PLCH2: variants seen among roughly 807,000 people sequenced by gnomAD.
The protein encoded by PLCH2 is phospholipase C eta 2, also known as 1-phosphatidylinositol 4,5-bisphosphate phosphodiesterase eta-2.
Under a neutral mutation model 134.7 loss-of-function variants are expected in PLCH2, and 98 were observed. That is an observed-to-expected ratio of 0.73 (90% CI 0.62 to 0.86). The LOEUF (loss-of-function observed/expected upper bound fraction) is 0.86. PLCH2 is among the 40% of genes least tolerant of loss of function. PLCH2 has a pLI of 0.00. For missense variants in PLCH2, 1,994 were observed against 1,986.6 expected, an observed-to-expected ratio of 1.00 and a Z score of -0.07; for synonymous variants, 974 against 827.5, an observed-to-expected ratio of 1.18 and a Z score of -3.04.
At chr1:2,484,139 T>C (rs1642167101) in intron 4 of PLCH2, among the ~76,000 whole-genome samples, 1 of 151,806 alleles carries the variant, frequency 6.6e-6, no homozygotes, top group Admixed American at 6.6e-5. Context: ...CCCGTATGGG[T>C]GATGTTGGCT....
chr1:2,437,750 C>T (rs1639497297), intron 2 of PLCH2, among the ~76,000 whole-genome samples: 2 of 152,236 alleles, frequency 1.3e-5, no homozygotes, highest in Non-Finnish European at 2.9e-5. Flanking sequence ...GCATACCACA[C>T]ACATACGTGC....
In PLCH2 at chr1:2,486,999, T is replaced by G. The variant is rs527655128; in HGVS notation, c.909T>G (p.Asp303Glu). The change falls in exon 6 of 22, where the codon GAT (aspartate) becomes GAG (glutamate). Residue 303 changes from aspartate to glutamate, a missense_variant and splice_region_variant. By Grantham distance (45) the Asp-to-Glu change is conservative. Around this residue, in one of 2 missense-constraint regions of PLCH2, gnomAD observed 1,094 missense variants for 1,234.3 expected, o/e 0.89. Coordinates refer to ENST00000378486, the MANE Select transcript of PLCH2 (RefSeq NM_014638.4). ...ENKSKGLLGI[D>E]GFTNYTRSPA... is the part of the protein sequence containing the mutation. ...AGAGTAAGGGGCTGCTGGGCATTGA[T>G]GGTGAGTGGGGCGCTGCCCTCAGCC... 74 of 1,593,536 alleles carry G rather than the reference T, an allele frequency of 4.6e-5. No individual in the cohort carries two copies. In the South Asian group the frequency reaches 7.9e-4, roughly 17 times the overall value.
Position 2,483,410 on chromosome 1 carries a change from G to A in PLCH2, c.646-1038G>A, listed in dbSNP as rs192424375. Among the ~76,000 whole-genome samples, 20 of 152,304 alleles carry A rather than the reference G, an allele frequency of 1.3e-4. No individual in the cohort carries two copies. The East Asian group carries it at 2.7e-3, about 21-fold the overall frequency. Reference sequence around the variant, plus strand: ...CTGAGCAGCTGGGCAGGTGTGAAACGAGCTGTCAGGGCTGCCCCTGCCTGA... The same window carrying A: ...CTGAGCAGCTGGGCAGGTGTGAAACAAGCTGTCAGGGCTGCCCCTGCCTGA... On this transcript the variant is annotated intron_variant, in intron 4 of 21. Transcript: ENST00000378486.
chr1:2,496,958 G>A lies in PLCH2; in HGVS notation c.2064G>A (p.Val688=). Residue 688 remains valine (V), a synonymous_variant, in exon 15 of 22, where the codon GTG becomes GTA. Transcript: ENST00000378486. ...GCATCTACCCCTCCTCCTACCGTGT[G>A]GACTCCAGCAACTACAACCCGCAGC... The part of the protein sequence containing the change: ...LSRIYPSSYR[V]DSSNYNPQPF... 1 of 1,613,378 alleles carries A rather than the reference G, an allele frequency of 6.2e-7. No homozygotes were observed. Among genetic ancestry groups the A allele is most frequent in the Non-Finnish European group, 8.5e-7 (1 of 1,179,842 alleles).
chr1:2,465,429 A>G (rs1557977041), upstream of PLCH2, among the ~76,000 whole-genome samples: 1 of 152,120 alleles, frequency 6.6e-6, no homozygotes, highest in Non-Finnish European at 1.5e-5. Flanking sequence ...GTGCCGGCCC[A>G]TGGGCAGGGG....
Position 2,491,183 on chromosome 1 carries a change from C to T in PLCH2, c.1516-9C>T. The stretch of plus-strand genomic sequence containing the variant: ...CAGATGCCAACAGGCCGGCCTCTGG[C>T]TCCTGCAGGCATCCACCAATCGAAA... On this transcript the variant is annotated splice_polypyrimidine_tract_variant and intron_variant, in intron 10 of 21. Coordinates refer to ENST00000378486, the MANE Select transcript of PLCH2 (RefSeq NM_014638.4). The T allele has an allele frequency of 9.3e-6, 15 of 1,609,820 alleles. No homozygotes were observed. Among genetic ancestry groups the T allele is most frequent in the Non-Finnish European group, 1.3e-5 (15 of 1,178,294 alleles).
At chr1:2,462,969 G>C (rs1031891668), upstream of PLCH2, among the ~76,000 whole-genome samples, 1 of 152,202 alleles carries the variant, frequency 6.6e-6, no homozygotes, top group African/African-American at 2.4e-5. Context: ...AAAGCAACAC[G>C]GAATTCGCTT....
chr1:2,444,099 G>A lies in PLCH2; in HGVS notation c.115+13470G>A, dbSNP rs1370649424. The stretch of plus-strand genomic sequence containing the variant: ...GCTTCAGACTCGGGAGCGGAGGCTC[G>A]GATCGCGGTGGCACGGGCAGGGGTG... On this transcript the variant is annotated intron_variant, in intron 2 of 3. Coordinates refer to the PLCH2 transcript ENST00000609981. The surrounding 1 kb of genome is among the most constrained non-coding windows in gnomAD (Gnocchi z 4.6). Among the ~76,000 whole-genome samples, 1 of 152,214 alleles carries A rather than the reference G, an allele frequency of 6.6e-6. No individual in the cohort carries two copies. The highest frequency in any genetic ancestry group is 1.5e-5 in the Non-Finnish European group (1 of 68,028).
chr1:2,499,124 G>T lies in PLCH2; in HGVS notation c.2475G>T (p.Val825=). 1.9e-6 allele frequency: 3 copies of T among 1,612,476 alleles called. No individual in the cohort carries two copies. Among genetic ancestry groups the T allele is most frequent in the Admixed American group, 1.7e-5 (1 of 59,896 alleles). Residue 825 remains valine, a synonymous_variant, in exon 19 of 22, where the codon GTG becomes GTT. Coordinates refer to ENST00000378486, the MANE Select transcript of PLCH2 (RefSeq NM_014638.4). ...GGGAGGAGACCCTGGTTTTCATGGT[G>T]CACATGCCGGAGATCGCGCTGGTCC... The part of the protein sequence containing the change: ...PTWEETLVFM[V]HMPEIALVRF...
chr1:2,447,763 G>C (rs946286103), intron 2 of PLCH2, among the ~76,000 whole-genome samples: 1 of 152,184 alleles, frequency 6.6e-6, no homozygotes, highest in African/African-American at 2.4e-5. Flanking sequence ...TGCCCACTTC[G>C]GGGCAGCTGC....
At chr1:2,481,786 A>G (rs1017922110) in intron 4 of PLCH2, among the ~76,000 whole-genome samples, 10 of 152,222 alleles carry the variant, frequency 6.6e-5, no homozygotes, top group African/African-American at 2.2e-4. Flanking sequence ...AGACGGCCCC[A>G]GTTTCAGAGC....
chr1:2,502,930 C>T (rs965565985), intron 21 of PLCH2: 64 of 717,098 alleles, frequency 8.9e-5, no homozygotes, highest in Non-Finnish European at 1.6e-4. Context: ...TCTTGCCCTG[C>T]GTGGTCCTCC....
chr1:2,435,369 G>A (rs1639280837), intron 2 of PLCH2, among the ~76,000 whole-genome samples: 1 of 152,170 alleles, frequency 6.6e-6, no homozygotes, highest in African/African-American at 2.4e-5. Flanking sequence ...TCACGCCCAG[G>A]GGTCCCCGGG....
chr1:2,418,247 C>T, the PLCH2 span, among the ~76,000 whole-genome samples: 3 of 152,236 alleles, frequency 2.0e-5, no homozygotes, highest in South Asian at 2.1e-4. Flanking sequence ...AACTGATTCA[C>T]ACCGATGAGC....
chr1:2,484,384 A>G, intron 4 of PLCH2, 64 bp from the exon 5 acceptor site: 1 of 1,540,120 alleles, frequency 6.5e-7, no homozygotes, highest in Non-Finnish European at 8.9e-7. Context: ...GTGGTCCTGA[A>G]GGACCCCTGT....
intron 2 of PLCH2, 180 bp from the exon 3 acceptor site, chr1:2,479,554 C>T (rs1557997642): frequency 3.3e-6 from 2 of 608,698 alleles, no homozygotes; most frequent in South Asian, 2.0e-5. Context: ...CAGTGGGGGG[C>T]TGTGCAGTCT....
In PLCH2 at chr1:2,439,961, G is replaced by A. The variant is rs1639613237; in HGVS notation, c.115+9332G>A. Among the ~76,000 whole-genome samples, 1 of 152,204 alleles carries A rather than the reference G, an allele frequency of 6.6e-6. No individual in the cohort carries two copies. The highest frequency in any genetic ancestry group is 2.1e-4 in the South Asian group (1 of 4,832). ...GACACTGCGGGGGACAAGGCAACCA[G>A]GGAGGCTTCCCAGAGGAGGTGCCTC... On this transcript the variant is annotated intron_variant, in intron 2 of 3. Transcript: ENST00000609981. The surrounding 1 kb of genome is among the most constrained non-coding windows in gnomAD (Gnocchi z 4.7).
chr1:2,438,216 G>A (rs556426667), intron 2 of PLCH2, among the ~76,000 whole-genome samples: 20 of 152,344 alleles, frequency 1.3e-4, no homozygotes, highest in Admixed American at 3.9e-4. Context: ...AACGGCGCTC[G>A]GCAGACGGTG....
chr1:2,466,741 G>A (rs958439285), upstream of PLCH2, among the ~76,000 whole-genome samples: 6 of 152,368 alleles, frequency 3.9e-5, no homozygotes, highest in Middle Eastern at 3.4e-3. Context: ...AAAATGTTAC[G>A]TCCCTCAGAT....
Sources: gnomAD v4.1 joint callset for allele counts (sites outside exome capture counted in the v4.1 genomes callset) on GRCh38, gnomAD v4.1.1 for gene constraint, gnomAD v4.1.1 regional missense constraint, Gnocchi (gnomAD v3.1) non-coding constraint, MANE v1.5 for transcripts, NCBI Gene and HGNC (gene_info 2026-07-23, HGNC 2026-07-21) for gene names.